Variants in SYNE1 observed in about 807,000 individuals in gnomAD.
SYNE1 encodes the protein spectrin repeat containing nuclear envelope protein 1.
Under a neutral mutation model 1,111.0 loss-of-function variants are expected in SYNE1, and 616 were observed. That is an observed-to-expected ratio of 0.55 (90% CI 0.52 to 0.59). SYNE1 has a LOEUF of 0.59. Ranked by LOEUF, SYNE1 falls within the 20% of genes least tolerant of loss-of-function variation. The pLI, the probability that SYNE1 is intolerant of heterozygous loss-of-function variation, is 0.00. For missense variants in SYNE1, 10,006 were observed against 10,417.0 expected (o/e 0.96, Z 1.72); for synonymous variants, 3,855 against 3,825.8 (o/e 1.01, Z -0.28).
Position 152,373,261 on chromosome 6 carries a change from T to C in SYNE1, c.9325-42A>G, listed in dbSNP as rs1456966615. On this transcript the variant is annotated intron_variant, in intron 58 of 145. Coordinates refer to ENST00000367255, the MANE Select transcript of SYNE1 (RefSeq NM_182961.4). ...AGAATTAGCCATAATGAAAATATTG[T>C]GTGTTGTTTCTATTTTTTCTTTTCT... 1.9e-6 allele frequency: 3 copies of C among 1,547,330 alleles called. No individual in the cohort carries two copies. In the South Asian group the frequency reaches 3.6e-5, roughly 19 times the overall value.
chr6:152,499,260 G>T (rs2623963), intron 10 of SYNE1, among the ~76,000 whole-genome samples: 1 of 151,836 alleles, frequency 6.6e-6, no homozygotes, highest in African/African-American at 2.4e-5. Context: ...AAGTTTAGAA[G>T]GTGAATGAGA....
intron 3 of SYNE1, among the ~76,000 whole-genome samples, chr6:152,563,814 T>G (rs1384536930): frequency 6.6e-6 from 1 of 152,190 alleles, no homozygotes; most frequent in Admixed American, 6.5e-5. Context: ...ATAATCTTGT[T>G]TATTTCTGAT....
intron 135 of SYNE1, among the ~76,000 whole-genome samples, chr6:152,150,163 C>T (rs2060158584): frequency 6.6e-6 from 1 of 152,156 alleles, no homozygotes; most frequent in Non-Finnish European, 1.5e-5. Flanking sequence ...TTTATTATTT[C>T]AGAACATAGG....
At chr6:152,165,011 T>A (rs1197023266) in intron 130 of SYNE1, among the ~76,000 whole-genome samples, 1 of 152,130 alleles carries the variant, frequency 6.6e-6, no homozygotes, top group African/African-American at 2.4e-5. Context: ...AAGGCAGGGA[T>A]CTGCAATAGA....
chr6:152,156,659 T>C (rs901571948), intron 131 of SYNE1, among the ~76,000 whole-genome samples: 2 of 152,198 alleles, frequency 1.3e-5, no homozygotes, highest in African/African-American at 4.8e-5. Context: ...TAGGGAATCA[T>C]GACAAGAATA....
At chr6:152,616,198 A>G (rs192304721) in intron 3 of SYNE1, among the ~76,000 whole-genome samples, 32 of 152,202 alleles carry the variant, frequency 2.1e-4, no homozygotes, top group Middle Eastern at 3.4e-3. Flanking sequence ...TTGAACCCGG[A>G]AAGATAAAGT....
intron 127 of SYNE1, among the ~76,000 whole-genome samples, chr6:152,192,111 CT>C (rs1454407110): frequency 9.2e-5 from 14 of 152,254 alleles, no homozygotes; most frequent in African/African-American, 3.4e-4. Context: ...AGAGAAGATA[CT>C]TGATAAAATT....
chr6:152,393,577 G>C (rs1032306346), intron 51 of SYNE1, among the ~76,000 whole-genome samples: 8 of 151,764 alleles, frequency 5.3e-5, no homozygotes, highest in African/African-American at 1.9e-4. Flanking sequence ...CTCATAGCTG[G>C]AAATTGGGGT....
chr6:152,212,677 C>T (rs929480128), intron 123 of SYNE1, among the ~76,000 whole-genome samples: 1 of 152,068 alleles, frequency 6.6e-6, no homozygotes, highest in Non-Finnish European at 1.5e-5. Context: ...TATGATTACT[C>T]TACGTAACTC....
intron 3 of SYNE1, among the ~76,000 whole-genome samples, chr6:152,571,233 A>C (rs2128310346): frequency 6.6e-6 from 1 of 152,288 alleles, no homozygotes; most frequent in East Asian, 1.9e-4. Flanking sequence ...TTGTCTTCTG[A>C]GATTGCTTAA....
intron 3 of SYNE1, among the ~76,000 whole-genome samples, chr6:152,592,795 T>A (rs1458679580): frequency 1.3e-5 from 2 of 152,242 alleles, no homozygotes; most frequent in African/African-American, 4.8e-5. Context: ...AATTTATTAG[T>A]GCCTCTCTTC....
At chr6:152,440,656 C>A (rs2098521105) in intron 32 of SYNE1, among the ~76,000 whole-genome samples, 1 of 147,338 alleles carries the variant, frequency 6.8e-6, no homozygotes, top group South Asian at 2.2e-4. Flanking sequence ...CAACCTCTGC[C>A]TCCCGGGTTC....
In SYNE1 at chr6:152,224,590, T is replaced by A. The variant is rs775691059; in HGVS notation, c.21426A>T (p.Ile7142=). ...ATCTGGCCTCCATGAGGTAACTGTT[T>A]ATCTTGTCAAAGGCCACTTTGTGAC... ...WSSHKVAFDK[I]NSYLMEARYS... is the part of the protein sequence containing the mutation. The change falls in exon 117 of 146, where the codon ATA becomes ATT. Residue 7142 remains isoleucine, a synonymous_variant. Coordinates refer to ENST00000367255, the MANE Select transcript of SYNE1 (RefSeq NM_182961.4). 2.5e-6 allele frequency: 4 copies of A among 1,613,924 alleles called. No homozygotes were observed. Among genetic ancestry groups the A allele is most frequent in the Non-Finnish European group, 3.4e-6 (4 of 1,179,968 alleles).
intron 130 of SYNE1, among the ~76,000 whole-genome samples, chr6:152,166,363 GT>G (rs1767109152): frequency 6.6e-6 from 1 of 152,086 alleles, no homozygotes; most frequent in Non-Finnish European, 1.5e-5. Context: ...TAATTAACAT[GT>G]TTTCATTTTA....
Position 152,442,098 on chromosome 6 carries a change from C to G in SYNE1, c.3985G>C (p.Glu1329Gln), listed in dbSNP as rs985588823. Residue 1329 changes from glutamate (E) to glutamine (Q), a missense_variant, in exon 31 of 146, where the codon GAG (glutamate) becomes CAG (glutamine). Physicochemically the swap from Glu to Gln is conservative, Grantham distance 29 (BLOSUM62 2). Coordinates refer to ENST00000367255, the MANE Select transcript of SYNE1 (RefSeq NM_182961.4). ...ACCTGGATGCGGCGTTCCTGCCTCT[C>G]CCGGCTGCGCTCCAGGCCATCCAGT... is the stretch of plus-strand genomic sequence containing the variant. ...STLDGLERSR[E>Q]RQERRIQVTL... The G allele has an allele frequency of 4.3e-6, 7 of 1,614,012 alleles. No individual in the cohort carries two copies. Among genetic ancestry groups the G allele is most frequent in the Admixed American group, 1.7e-5 (1 of 60,008 alleles).
Position 152,450,812 on chromosome 6 carries a change from G to A in SYNE1, c.3208C>T (p.Pro1070Ser), listed in dbSNP as rs2098641598. Residue 1070 changes from proline to serine, a missense_variant, in exon 27 of 146, where the codon CCT becomes TCT. Pro to Ser is a moderately conservative substitution (Grantham distance 74, BLOSUM62 -1). Around this residue, in one of 7 missense-constraint regions of SYNE1, gnomAD observed 1,971 missense variants for 2,084.1 expected, o/e 0.95. Transcript: ENST00000367255. ...EHRVFFSDKG[P>S]HHLCEKRLQL... ...AACCTTTTCTCACAGAGATGATGAG[G>A]ACCTTTGTCACTGAAGAAAACCTAA... 13 of 1,614,034 alleles carry A rather than the reference G, an allele frequency of 8.1e-6. No individual in the cohort carries two copies. The highest frequency in any genetic ancestry group is 1.1e-5 in the Non-Finnish European group (13 of 1,180,000).
rs1482955906 is a variant in SYNE1 at position 152,148,336 on chromosome 6, G to A, written c.24685C>T (p.Leu8229=). 6.2e-7 allele frequency: 1 copy of A among 1,614,056 alleles called. No individual in the cohort carries two copies. The highest frequency in any genetic ancestry group is 2.2e-5 in the East Asian group (1 of 44,894). Reference sequence around the variant, plus strand: ...TCCGACAGAGCTGCAGAGTCTTCCAGCTCCAGCTCCCTGTCTGAGAGGTCG... The same window carrying A: ...TCCGACAGAGCTGCAGAGTCTTCCAACTCCAGCTCCCTGTCTGAGAGGTCG... ...EHDLSDRELE[L]EDSAALSDLH... is the part of the protein sequence containing the mutation. The change falls in exon 137 of 146, where the codon CTG becomes TTG. Residue 8229 remains leucine (L), a synonymous_variant. Transcript: ENST00000367255. This position sits in a 1 kb window ranked among gnomAD's most constrained non-coding sequence, Gnocchi z 4.1.
At chr6:152,177,471 C>G (rs1000864) in intron 129 of SYNE1, among the ~76,000 whole-genome samples, 2 of 151,916 alleles carry the variant, frequency 1.3e-5, no homozygotes, top group Non-Finnish European at 2.9e-5. Context: ...TATATGAAGA[C>G]GGGTATTATA....
At chr6:152,462,319 T>C (rs2098739001) in intron 20 of SYNE1, among the ~76,000 whole-genome samples, 1 of 152,202 alleles carries the variant, frequency 6.6e-6, no homozygotes, top group African/African-American at 2.4e-5. Flanking sequence ...TGTAACAATA[T>C]ATTGCAAAAT....
Sources: gnomAD v4.1 joint callset for allele counts (sites outside exome capture counted in the v4.1 genomes callset) on GRCh38, gnomAD v4.1.1 for gene constraint, gnomAD v4.1.1 regional missense constraint, Gnocchi (gnomAD v3.1) non-coding constraint, MANE v1.5 for transcripts, NCBI Gene and HGNC (gene_info 2026-07-23, HGNC 2026-07-21) for gene names.